NXPE2: variants seen among roughly 807,000 people sequenced by gnomAD.
NXPE2 encodes the protein neurexophilin and PC-esterase domain family member 2.
A neutral mutation model predicts 34.4 loss-of-function variants in NXPE2; 34 were observed. That is an observed-to-expected ratio of 0.99 (90% CI 0.75 to 1.31). The LOEUF is 1.31. Among genes scored for constraint, NXPE2 ranks in the 40% most tolerant of loss-of-function variants. The pLI is 0.00. For synonymous variants in NXPE2, 235 were observed against 231.3 expected (o/e 1.02, Z -0.15); for missense variants, 649 against 672.5 (o/e 0.97, Z 0.39).
the NXPE2 span, among the ~76,000 whole-genome samples, chr11:114,511,297 A>G: frequency 6.6e-6 from 1 of 152,208 alleles, no homozygotes; most frequent in Admixed American, 6.5e-5. Flanking sequence ...TGTGCCTGGA[A>G]CGTGACTTCG....
At chr11:114,638,838 G>A in the NXPE2 span, among the ~76,000 whole-genome samples, 2 of 151,926 alleles carry the variant, frequency 1.3e-5, no homozygotes, top group South Asian at 4.2e-4. Flanking sequence ...TTGTCTCAGT[G>A]GAGTACCCAG....
chr11:114,602,655 A>G, the NXPE2 span, among the ~76,000 whole-genome samples: 252 of 142,008 alleles, frequency 1.8e-3, no homozygotes, highest in South Asian at 9.4e-3. Flanking sequence ...TAATTTTCTC[A>G]TATATAATAA....
At chr11:114,680,225 A>G (rs1289502001) in intron 2 of NXPE2, among the ~76,000 whole-genome samples, 2 of 152,150 alleles carry the variant, frequency 1.3e-5, no homozygotes, top group Non-Finnish European at 2.9e-5. Flanking sequence ...ACCATTTAGT[A>G]CAAACATAAT....
chr11:114,630,308 C>A, the NXPE2 span, among the ~76,000 whole-genome samples: 1 of 151,782 alleles, frequency 6.6e-6, no homozygotes, highest in South Asian at 2.1e-4. Flanking sequence ...CAGCATGGTA[C>A]TGGTACCAAA....
intron 2 of NXPE2, among the ~76,000 whole-genome samples, chr11:114,692,483 T>C (rs1951171742): frequency 6.6e-6 from 1 of 152,192 alleles, no homozygotes; most frequent in African/African-American, 2.4e-5. Flanking sequence ...GCCTGTGGAA[T>C]TCTGTGTGGG....
chr11:114,625,422 T>G, the NXPE2 span, among the ~76,000 whole-genome samples: 3 of 151,136 alleles, frequency 2.0e-5, no homozygotes, highest in Non-Finnish European at 4.4e-5. Flanking sequence ...GGCAACCACT[T>G]CTACCACATG....
the NXPE2 span, among the ~76,000 whole-genome samples, chr11:114,811,061 C>A: frequency 4.6e-5 from 7 of 151,744 alleles, no homozygotes; most frequent in Admixed American, 6.6e-5. Context: ...TGGAAACCAT[C>A]ATTCTCAGCA....
chr11:114,612,704 T>G, the NXPE2 span, among the ~76,000 whole-genome samples: 239 of 149,666 alleles, frequency 1.6e-3, 1 homozygote, highest in African/African-American at 4.3e-3. Context: ...TGTTGCCCTG[T>G]GTATAATGTG....
At chr11:114,587,353 C>T in the NXPE2 span, among the ~76,000 whole-genome samples, 1 of 152,192 alleles carries the variant, frequency 6.6e-6, no homozygotes, top group Non-Finnish European at 1.5e-5. Context: ...ACCAGAGCCA[C>T]TGCCTAAGAA....
chr11:114,651,948 G>C, the NXPE2 span, among the ~76,000 whole-genome samples: 1 of 152,134 alleles, frequency 6.6e-6, no homozygotes, highest in Non-Finnish European at 1.5e-5. Context: ...AAATTATTAG[G>C]GTGCTGTTAG....
At chr11:114,602,572 A>G in the NXPE2 span, among the ~76,000 whole-genome samples, 1 of 140,014 alleles carries the variant, frequency 7.1e-6, no homozygotes, top group African/African-American at 2.6e-5. Flanking sequence ...CATTTATAAT[A>G]ATTATCTCAT....
At chr11:114,754,587 A>G in the NXPE2 span, among the ~76,000 whole-genome samples, 7 of 152,318 alleles carry the variant, frequency 4.6e-5, no homozygotes, top group Admixed American at 3.3e-4. Context: ...AGTGGACACC[A>G]GAGAAGCTTT....
chr11:114,794,993 A>G, the NXPE2 span, among the ~76,000 whole-genome samples: 2 of 152,166 alleles, frequency 1.3e-5, no homozygotes, highest in African/African-American at 4.8e-5. Flanking sequence ...TGTCAGAGTA[A>G]ACAACAAGAT....
the NXPE2 span, among the ~76,000 whole-genome samples, chr11:114,490,033 A>G: frequency 1.3e-5 from 2 of 152,224 alleles, no homozygotes; most frequent in African/African-American, 4.8e-5. Context: ...TCAATGTGCA[A>G]AAATCACGAG....
At chr11:114,659,666 G>C in the NXPE2 span, among the ~76,000 whole-genome samples, 1 of 152,042 alleles carries the variant, frequency 6.6e-6, no homozygotes, top group Non-Finnish European at 1.5e-5. Flanking sequence ...GGGGATGCAG[G>C]TAAAGCAGTG....
the NXPE2 span, among the ~76,000 whole-genome samples, chr11:114,577,862 T>C: frequency 6.6e-6 from 1 of 152,192 alleles, no homozygotes; most frequent in Non-Finnish European, 1.5e-5. Context: ...TTCCTTCACA[T>C]ATGCTTGGGA....
the NXPE2 span, among the ~76,000 whole-genome samples, chr11:114,646,138 T>TGAGGTAATA: frequency 6.6e-6 from 1 of 152,114 alleles, no homozygotes; most frequent in Non-Finnish European, 1.5e-5. Flanking sequence ...TATGCTGGCC[T>TGAGGTAATA]GAGGTAATAG....
chr11:114,571,317 G>T, the NXPE2 span: 2 of 1,613,886 alleles, frequency 1.2e-6, no homozygotes, highest in Non-Finnish European at 1.7e-6. Flanking sequence ...TCTGTCAATG[G>T]CCCGGGTGAG....
chr11:114,721,495 A>T, the NXPE2 span, among the ~76,000 whole-genome samples: 1 of 152,062 alleles, frequency 6.6e-6, no homozygotes, highest in African/African-American at 2.4e-5. Flanking sequence ...AGAGAAAGGG[A>T]GCCTGAGCAC....
Sources: gnomAD v4.1 joint callset for allele counts (sites outside exome capture counted in the v4.1 genomes callset) on GRCh38, gnomAD v4.1.1 for gene constraint, MANE v1.5 for transcripts, NCBI Gene and HGNC (gene_info 2026-07-23, HGNC 2026-07-21) for gene names.